DAB1: variants seen among roughly 807,000 people sequenced by gnomAD.
DAB1 encodes disabled homolog 1.
In DAB1, 15 loss-of-function variants were observed where a neutral mutation model predicts 64.6. The ratio of observed to expected loss-of-function variants is 0.23; its 90% CI spans 0.16 to 0.36. The LOEUF (loss-of-function observed/expected upper bound fraction) is 0.36. Among genes scored for constraint, DAB1 ranks in the 10% least tolerant of loss-of-function variants. The pLI is 1.00. For missense variants in DAB1, 596 were observed against 706.7 expected, an observed-to-expected ratio of 0.84 and a Z score of 1.78; for synonymous variants, 235 against 251.9, an observed-to-expected ratio of 0.93 and a Z score of 0.64.
chr1:57,307,944 C>T (rs1674339354), intron 1 of DAB1, among the ~76,000 whole-genome samples: 1 of 152,212 alleles, frequency 6.6e-6, no homozygotes, highest in African/African-American at 2.4e-5. Flanking sequence ...CACCTCCTGT[C>T]CAATCTGTTG....
intron 5 of DAB1, among the ~76,000 whole-genome samples, chr1:58,092,214 T>TA (rs1650708781): frequency 6.6e-6 from 1 of 151,556 alleles, no homozygotes; most frequent in Non-Finnish European, 1.5e-5. Context: ...TGGGCACCTG[T>TA]AATCCCAGCT....
At chr1:58,497,183 G>A (rs61781787) in intron 3 of DAB1, among the ~76,000 whole-genome samples, 17,637 of 152,018 alleles carry the variant, frequency 0.12, 1,221 homozygotes, top group African/African-American at 0.18. Flanking sequence ...CTACAATGTG[G>A]GATTATATGT....
intron 1 of DAB1, among the ~76,000 whole-genome samples, chr1:57,868,748 T>C (rs1312878809): frequency 6.6e-5 from 10 of 152,158 alleles, no homozygotes; most frequent in Non-Finnish European, 1.5e-4. Flanking sequence ...GTAGGCACTT[T>C]ATGCCCTTTG....
chr1:57,067,276 G>C (rs895583104), intron 8 of DAB1, among the ~76,000 whole-genome samples: 1 of 152,108 alleles, frequency 6.6e-6, no homozygotes, highest in African/African-American at 2.4e-5. Flanking sequence ...GACTTGAAAG[G>C]GACTTAGAAT....
At chr1:57,752,227 A>T (rs967024955) in intron 6 of DAB1, among the ~76,000 whole-genome samples, 15 of 152,334 alleles carry the variant, frequency 9.8e-5, no homozygotes, top group African/African-American at 3.6e-4. Flanking sequence ...ATTTTAAGTT[A>T]TCCTTGCTTT....
chr1:57,558,576 C>T (rs985310281), intron 7 of DAB1, among the ~76,000 whole-genome samples: 1 of 152,050 alleles, frequency 6.6e-6, no homozygotes, highest in Non-Finnish European at 1.5e-5. Flanking sequence ...GGAGAATAGC[C>T]ATGGGAATAG....
intron 1 of DAB1, among the ~76,000 whole-genome samples, chr1:57,320,816 C>T (rs929063241): frequency 1.3e-5 from 2 of 152,136 alleles, no homozygotes; most frequent in Non-Finnish European, 2.9e-5. Context: ...GTTATTACTA[C>T]TATCTCCACT....
intron 1 of DAB1, chr1:58,533,907 T>G (rs1646475697): frequency 1.2e-6 from 1 of 849,426 alleles, no homozygotes; most frequent in African/African-American, 1.6e-5. Flanking sequence ...ACTTGTTAAC[T>G]TCAAAGCAGT....
chr1:57,289,244 A>T (rs930320640), intron 2 of DAB1, among the ~76,000 whole-genome samples: 1 of 152,206 alleles, frequency 6.6e-6, no homozygotes, highest in Admixed American at 6.5e-5. Flanking sequence ...TAAAATGAAG[A>T]ATGAAAAAAT....
chr1:57,474,705 G>A (rs1643913475), intron 7 of DAB1, among the ~76,000 whole-genome samples: 1 of 152,148 alleles, frequency 6.6e-6, no homozygotes, highest in Admixed American at 6.5e-5. Context: ...CTCATAAAAA[G>A]AAGGGCTCAT....
chr1:58,118,503 T>TATATATATATACACACAC (rs1341446315), intron 5 of DAB1, among the ~76,000 whole-genome samples: 6 of 53,110 alleles, frequency 1.1e-4, no homozygotes, highest in East Asian at 1.3e-3. Flanking sequence ...TATATATATA[T>TATATATATATACACACAC]ACACACACAC....
At chr1:57,569,656 T>C (rs1214193616) in intron 7 of DAB1, among the ~76,000 whole-genome samples, 3 of 152,030 alleles carry the variant, frequency 2.0e-5, no homozygotes, top group Middle Eastern at 3.4e-3. Context: ...AAATGACAAG[T>C]TAATGGGGGC....
chr1:58,266,860 G>A (rs1444594391), intron 4 of DAB1, among the ~76,000 whole-genome samples: 2 of 152,298 alleles, frequency 1.3e-5, no homozygotes, highest in South Asian at 2.1e-4. Flanking sequence ...GCTGTAGTCC[G>A]TACTCTTACT....
rs868683302 is a variant in DAB1, at chr1:58,116,045, A to T, written n.387+34466T>A. On this transcript the variant is annotated intron_variant and non_coding_transcript_variant, in intron 5 of 20. Coordinates refer to the DAB1 transcript ENST00000485760. The stretch of plus-strand genomic sequence containing the variant: ...TATACAAAAAAAATAAAAATAAAAA[A>T]AAATAAATAAATTACTCAGTTTGTC... Among the ~76,000 whole-genome samples, 69 of 151,890 alleles carry T rather than the reference A, an allele frequency of 4.5e-4. 1 individual carries two copies. In the Middle Eastern group the frequency reaches 0.01, roughly 22 times the overall value.
chr1:57,741,743 C>A (rs867672000), intron 6 of DAB1, among the ~76,000 whole-genome samples: 2 of 152,140 alleles, frequency 1.3e-5, no homozygotes, highest in African/African-American at 4.8e-5. Context: ...CTTCCACTGC[C>A]GAGTGAGAAA....
At chr1:58,323,095 T>TG (rs1280994035) in intron 4 of DAB1, among the ~76,000 whole-genome samples, 1 of 50,214 alleles carries the variant, frequency 2.0e-5, no homozygotes, top group Non-Finnish European at 4.0e-5. Flanking sequence ...TATTGTGGGG[T>TG]GGGGGGCAGG....
chr1:57,993,007 A>T (rs903957248), intron 5 of DAB1, among the ~76,000 whole-genome samples: 3 of 152,148 alleles, frequency 2.0e-5, no homozygotes, highest in Non-Finnish European at 4.4e-5. Flanking sequence ...ACACCTTTTT[A>T]TGAGCAAGAA....
intron 5 of DAB1, among the ~76,000 whole-genome samples, chr1:58,049,808 G>A (rs951553088): frequency 1.4e-5 from 2 of 145,876 alleles, no homozygotes; most frequent in Admixed American, 6.9e-5. Context: ...TATATGCCTG[G>A]CATACACGCA....
chr1:57,883,061 A>G lies in DAB1; in HGVS notation n.87+938T>C, dbSNP rs534086117. Among the ~76,000 whole-genome samples the G allele has an allele frequency of 4.5e-4, 69 of 152,226 alleles. 1 individual carries two copies. The Middle Eastern group carries it at 0.01, about 23-fold the overall frequency. On this transcript the variant is annotated intron_variant and non_coding_transcript_variant, in intron 1 of 1. Transcript: ENST00000477280. ...TTTTGATCTGTGAACTTCCATTGCA[A>G]CTCCAAATAAAACGCTTGCTCTGTT...
Sources: gnomAD v4.1 joint callset for allele counts (sites outside exome capture counted in the v4.1 genomes callset) on GRCh38, gnomAD v4.1.1 for gene constraint, MANE v1.5 for transcripts, NCBI Gene and HGNC (gene_info 2026-07-23, HGNC 2026-07-21) for gene names.